TMEM164: variants seen among roughly 807,000 people sequenced by gnomAD.
TMEM164 encodes the protein RP13-360B22.2.
Under a neutral mutation model 18.8 loss-of-function variants are expected in TMEM164, and 4 were observed. The observed-to-expected ratio is 0.21, with a 90% CI of 0.10 to 0.49. The LOEUF (loss-of-function observed/expected upper bound fraction) is 0.49. TMEM164 is among the 20% of genes least tolerant of loss of function. The pLI is 0.98. For missense variants in TMEM164, 108 were observed against 239.9 expected, an observed-to-expected ratio of 0.45 and a Z score of 3.63; for synonymous variants, 86 against 101.7, an observed-to-expected ratio of 0.85 and a Z score of 0.93.
At chrX:110,047,650 T>C (rs1015193954) in intron 2 of TMEM164, among the ~76,000 whole-genome samples, 19 of 112,275 alleles carry the variant, frequency 1.7e-4, no homozygotes, top group Admixed American at 9.4e-4. Context: ...TTTCAAAAAC[T>C]GTCTCTATGG....
intron 3 of TMEM164, among the ~76,000 whole-genome samples, chrX:110,090,867 C>T (rs1281719649): frequency 9.3e-6 from 1 of 107,687 alleles, no homozygotes; most frequent in Non-Finnish European, 1.9e-5. Flanking sequence ...CAGCCCCCCA[C>T]CCCATGACAG....
chrX:110,014,744 C>CTTTTTTTTTTTTTTTTTTTTTAT (rs1933221325), intron 2 of TMEM164, among the ~76,000 whole-genome samples: 5 of 54,240 alleles, frequency 9.2e-5, no homozygotes, highest in Non-Finnish European at 1.3e-4. Flanking sequence ...TTGGTTGTTT[C>CTTTTTTTTTTTTTTTTTTTTTAT]TTTTTTTTTT....
rs1385761139 is a variant in TMEM164, at chrX:110,039,333, G to GGAC, written c.391-28014_391-28013insGAC. ...CTGAAGATATTTATCCTCAGGGCAA[G>GGAC]AGACATTGGGTGTGAGGGATTTAAG... On this transcript the variant is annotated intron_variant, in intron 2 of 6. Transcript: ENST00000372068. 3.5e-5 allele frequency among the ~76,000 whole-genome samples: 4 copies of GGAC among 112,697 alleles called. No individual in the cohort carries two copies. The Admixed American group carries it at 3.7e-4, about 11-fold the overall frequency.
chrX:110,104,771 T>A (rs1489752111), intron 3 of TMEM164, among the ~76,000 whole-genome samples: 3 of 111,955 alleles, frequency 2.7e-5, no homozygotes, highest in Non-Finnish European at 3.8e-5. Flanking sequence ...TTGATCTCAG[T>A]AAGGCTTCTG....
At chrX:110,068,436 G>T (rs934313216) in intron 3 of TMEM164, among the ~76,000 whole-genome samples, 2 of 112,124 alleles carry the variant, frequency 1.8e-5, no homozygotes, top group African/African-American at 3.2e-5. Flanking sequence ...ATTATTCAGT[G>T]TAATGTTTTA....
chrX:110,125,864 G>A (rs1348682690), intron 4 of TMEM164, among the ~76,000 whole-genome samples: 1 of 112,453 alleles, frequency 8.9e-6, no homozygotes, highest in African/African-American at 3.2e-5. Flanking sequence ...GTTTCATTCT[G>A]TCTGAGGGTT....
At chrX:110,109,732 C>T (rs2066264919) in intron 4 of TMEM164, among the ~76,000 whole-genome samples, 1 of 111,458 alleles carries the variant, frequency 9.0e-6, no homozygotes, top group Non-Finnish European at 1.9e-5. Context: ...CCCATCCACC[C>T]AAACCCATGG....
At chrX:110,087,403 C>G (rs1289271442) in intron 3 of TMEM164, among the ~76,000 whole-genome samples, 1 of 111,709 alleles carries the variant, frequency 9.0e-6, no homozygotes, top group Non-Finnish European at 1.9e-5. Context: ...CTCTGTTGCC[C>G]AGGCTGGAGT....
intron 2 of TMEM164, among the ~76,000 whole-genome samples, chrX:110,054,579 C>T (rs770480266): frequency 1.8e-5 from 2 of 112,061 alleles, no homozygotes; most frequent in Non-Finnish European, 3.8e-5. Flanking sequence ...GTTGTCACTA[C>T]CAATATGTCC....
At chrX:110,028,991 CA>C (rs59203548) in intron 2 of TMEM164, among the ~76,000 whole-genome samples, 3,833 of 110,949 alleles carry the variant, frequency 0.035, 162 homozygotes, top group African/African-American at 0.12. Flanking sequence ...ATCTATTGAT[CA>C]AAATGTTCAA....
intron 2 of TMEM164, among the ~76,000 whole-genome samples, chrX:110,024,651 G>C (rs1258816215): frequency 8.9e-6 from 1 of 111,908 alleles, no homozygotes; most frequent in Non-Finnish European, 1.9e-5. Flanking sequence ...TTGAATAAAG[G>C]CTGAAGGGTA....
At position 110,173,547 on chromosome X, in the gene TMEM164, G is replaced by A; in HGVS notation, c.*96G>A. 1.4e-6 allele frequency: 1 copy of A among 721,398 alleles called. No individual in the cohort carries two copies. Among genetic ancestry groups the A allele is most frequent in the Non-Finnish European group, 2.0e-6 (1 of 492,482 alleles). The allele number at this position is 721,398 out of a possible 1,213,427, so 59.5% of individuals were successfully genotyped here. On this transcript the variant is annotated 3_prime_UTR_variant, in exon 7 of 7. Transcript: ENST00000372068. ...CTTGATAAAATCATGGGAGAGGGCA[G>A]TAGGATGTTTGGTGTATTTCTTTTT...
chrX:110,113,022 T>C (rs2066312591), intron 4 of TMEM164, among the ~76,000 whole-genome samples: 1 of 111,197 alleles, frequency 9.0e-6, no homozygotes. Flanking sequence ...CACCCTGCTT[T>C]CCTTCCTCCC....
chrX:110,140,732 A>G (rs1277557200), intron 4 of TMEM164, among the ~76,000 whole-genome samples: 1 of 112,356 alleles, frequency 8.9e-6, no homozygotes, highest in Middle Eastern at 4.2e-3. Flanking sequence ...TTTGACTTTA[A>G]ATTGCATTGA....
chrX:110,067,040 A>G (rs1936373306), intron 2 of TMEM164, among the ~76,000 whole-genome samples: 1 of 110,588 alleles, frequency 9.0e-6, no homozygotes, highest in Non-Finnish European at 1.9e-5. Flanking sequence ...CATGCTCAGA[A>G]TCTATTTTTA....
chrX:110,098,108 A>C (rs1266740285), intron 3 of TMEM164, among the ~76,000 whole-genome samples: 1 of 112,408 alleles, frequency 8.9e-6, no homozygotes, highest in African/African-American at 3.2e-5. Flanking sequence ...CCAGCTCTGC[A>C]ATCACTGTAG....
At chrX:110,063,674 A>C (rs1002036915) in intron 2 of TMEM164, among the ~76,000 whole-genome samples, 11 of 111,765 alleles carry the variant, frequency 9.8e-5, no homozygotes, top group African/African-American at 2.6e-4. Flanking sequence ...CCAGCCAAAA[A>C]AGACCTCAGT....
At position 110,144,714 on chromosome X, in the gene TMEM164, G is replaced by T. The variant is rs185453154; in HGVS notation, c.508-84G>T. On this transcript the variant is annotated intron_variant, in intron 4 of 6. Transcript: ENST00000372068. ...ATGGGATTGCTGAAATATGGGTCCT[G>T]AACAGCAGGGGAGGTCAACTTTGGA... 625 of 752,699 alleles carry T rather than the reference G, an allele frequency of 8.3e-4. 5 individuals carry two copies. The African/African-American group carries it at 0.012, about 14-fold the overall frequency. The allele number at this position is 752,699 out of a possible 1,213,427, so 62.0% of individuals were successfully genotyped here.
rs1228632082 is a variant in TMEM164, at chrX:110,084,379, T to TATA, written c.440+16983_440+16984insATA. 5.1e-3 allele frequency among the ~76,000 whole-genome samples: 183 copies of TATA among 35,555 alleles called. 3 individuals are homozygous for TATA. Among genetic ancestry groups the TATA allele is most frequent in the African/African-American group, 7.5e-3 (43 of 5,768 alleles). The allele number at this position is 35,555 out of a possible 115,157, so 30.9% of individuals were successfully genotyped here. ...TATATATAGTATAGTATATATATAG[T>TATA]GTATATATATATAGTATAGTATATA... On this transcript the variant is annotated intron_variant, in intron 3 of 6. Coordinates refer to ENST00000372068, the MANE Select transcript of TMEM164 (RefSeq NM_032227.4).
Sources: allele counts gnomAD v4.1 joint callset (sites outside exome capture counted in the v4.1 genomes callset), GRCh38; gene constraint gnomAD v4.1.1; transcripts MANE v1.5; gene names NCBI Gene and HGNC (gene_info 2026-07-23, HGNC 2026-07-21).